Variants in ATOX1 observed in about 807,000 individuals in gnomAD.
ATOX1 encodes the protein antioxidant 1 copper chaperone, also known as copper transport protein ATOX1.
In ATOX1, 4 loss-of-function variants were observed where a neutral mutation model predicts 7.3. The observed-to-expected ratio is 0.55, with a 90% CI of 0.27 to 1.25. The LOEUF is 1.25. Among genes scored for constraint, ATOX1 ranks in the 50% most tolerant of loss-of-function variants. ATOX1 has a pLI of 0.12. For synonymous variants in ATOX1, 25 were observed against 28.7 expected (o/e 0.87, Z 0.41); for missense variants, 68 against 81.6 (o/e 0.83, Z 0.64).
At chr5:151,746,104 AT>A (rs1761875845) in intron 3 of ATOX1, 174 bp downstream of exon 3, 1 of 510,658 alleles carries the variant, frequency 2.0e-6, no homozygotes, top group Non-Finnish European at 3.4e-6. Context: ...TGAACTTGTG[AT>A]TTGCATTAGA....
intron 2 of ATOX1, among the ~76,000 whole-genome samples, chr5:151,750,644 C>CTTTTTTTTTTTTTTTT (rs34586233): frequency 1.0e-5 from 1 of 100,350 alleles, no homozygotes; most frequent in Non-Finnish European, 2.0e-5. Flanking sequence ...TTTTTTCTTT[C>CTTTTTTTTTTTTTTTT]TTTTTTTTTT....
intron 2 of ATOX1, among the ~76,000 whole-genome samples, chr5:151,747,542 C>T (rs1761893624): frequency 6.6e-6 from 1 of 151,626 alleles, no homozygotes. Flanking sequence ...GCCTTGGCTT[C>T]CCAAAGTGCT....
chr5:151,748,848 G>C (rs556604317), intron 2 of ATOX1, among the ~76,000 whole-genome samples: 5 of 150,004 alleles, frequency 3.3e-5, no homozygotes, highest in Non-Finnish European at 5.9e-5. Flanking sequence ...GAGACAGAGT[G>C]AGACTCCCTC....
intron 1 of ATOX1, among the ~76,000 whole-genome samples, chr5:151,754,996 A>G (rs1050841406): frequency 1.3e-5 from 2 of 151,806 alleles, no homozygotes; most frequent in African/African-American, 2.4e-5. Flanking sequence ...AAAAAAAAAA[A>G]AAAAAGAAAC....
intron 2 of ATOX1, among the ~76,000 whole-genome samples, chr5:151,747,751 G>A (rs960559410): frequency 1.3e-5 from 2 of 152,184 alleles, no homozygotes; most frequent in East Asian, 1.9e-4. Context: ...ACCACACTGA[G>A]CTAATTTTTG....
intron 1 of ATOX1, among the ~76,000 whole-genome samples, chr5:151,756,816 A>G (rs1192346469): frequency 1.3e-5 from 2 of 152,184 alleles, no homozygotes; most frequent in African/African-American, 4.8e-5. Flanking sequence ...ACGTCTACAC[A>G]GGAGCTACCA....
At chr5:151,748,018 A>G (rs892881326) in intron 2 of ATOX1, among the ~76,000 whole-genome samples, 1 of 152,262 alleles carries the variant, frequency 6.6e-6, no homozygotes, top group Non-Finnish European at 1.5e-5. Context: ...TATAGTAAAC[A>G]TATTTGAACT....
At chr5:151,747,391 T>A (rs1005818401) in intron 2 of ATOX1, among the ~76,000 whole-genome samples, 2 of 149,284 alleles carry the variant, frequency 1.3e-5, no homozygotes, top group Non-Finnish European at 3.0e-5. Context: ...GCTCAGGTGA[T>A]CCTCCCTTCT....
At chr5:151,751,826 C>A (rs1286334980) in intron 1 of ATOX1, 47 bp from the exon 2 acceptor site, 3 of 1,559,204 alleles carry the variant, frequency 1.9e-6, no homozygotes, top group Non-Finnish European at 1.7e-6. Context: ...GTAGAGTGAC[C>A]CCCACACAGT....
intron 1 of ATOX1, among the ~76,000 whole-genome samples, chr5:151,754,440 T>C (rs1332641970): frequency 2.6e-5 from 4 of 151,706 alleles, no homozygotes; most frequent in South Asian, 2.1e-4. Context: ...AAAACCTGTT[T>C]CTCTACTAAA....
intron 2 of ATOX1, among the ~76,000 whole-genome samples, chr5:151,748,540 G>A (rs1761906077): frequency 6.6e-6 from 1 of 152,128 alleles, no homozygotes; most frequent in South Asian, 2.1e-4. Flanking sequence ...GAAGCTTAAA[G>A]GCAGATCTTC....
chr5:151,746,656 G>A (rs1761882921), intron 2 of ATOX1: 1 of 533,830 alleles, frequency 1.9e-6, no homozygotes, highest in Non-Finnish European at 3.3e-6. Context: ...TATATTCTGT[G>A]TATTTTTTTT....
intron 1 of ATOX1, among the ~76,000 whole-genome samples, chr5:151,755,938 CTTTTTT>C (rs914215313): frequency 1.7e-5 from 2 of 118,448 alleles, no homozygotes; most frequent in East Asian, 2.4e-4. Context: ...TGGGATGATT[CTTTTTT>C]TTTTTTTTTT....
chr5:151,751,829 C>A, intron 1 of ATOX1, 50 bp from the exon 2 acceptor site: 1 of 1,550,724 alleles, frequency 6.4e-7, no homozygotes, highest in East Asian at 2.4e-5. Context: ...GAGTGACCCC[C>A]ACACAGTGCC....
At chr5:151,754,879 G>T (rs1466921532) in intron 1 of ATOX1, among the ~76,000 whole-genome samples, 1 of 150,976 alleles carries the variant, frequency 6.6e-6, no homozygotes, top group Non-Finnish European at 1.5e-5. Flanking sequence ...AGCTACTCAA[G>T]AGGCTGAGGC....
chr5:151,749,393 G>A (rs1708974580), intron 2 of ATOX1, among the ~76,000 whole-genome samples: 3 of 152,056 alleles, frequency 2.0e-5, no homozygotes, highest in Admixed American at 2.0e-4. Flanking sequence ...GCTGAGGCAG[G>A]AGAATCGCTT....
chr5:151,750,166 C>T (rs993232526), intron 2 of ATOX1, among the ~76,000 whole-genome samples: 3 of 152,204 alleles, frequency 2.0e-5, no homozygotes, highest in Non-Finnish European at 4.4e-5. Flanking sequence ...CTCACTGAGT[C>T]CCAGGACCAG....
chr5:151,752,025 C>A, intron 1 of ATOX1: 1 of 598,336 alleles, frequency 1.7e-6, no homozygotes, highest in South Asian at 2.1e-5. Context: ...GTGTCTGGCA[C>A]ATAGTAAATA....
At chr5:151,754,968 C>T (rs1350907755) in intron 1 of ATOX1, among the ~76,000 whole-genome samples, 10 of 126,138 alleles carry the variant, frequency 7.9e-5, no homozygotes, top group Non-Finnish European at 1.4e-4. Context: ...GGCAAGAGAG[C>T]GAGACACCGT....
Sources: gnomAD v4.1 joint callset for allele counts (sites outside exome capture counted in the v4.1 genomes callset) on GRCh38, gnomAD v4.1.1 for gene constraint, MANE v1.5 for transcripts, NCBI Gene and HGNC (gene_info 2026-07-23, HGNC 2026-07-21) for gene names.